TSHZ2: variants seen among roughly 807,000 people sequenced by gnomAD.
TSHZ2 encodes teashirt zinc finger homeobox 2.
Under a neutral mutation model 74.4 loss-of-function variants are expected in TSHZ2, and 21 were observed. The observed-to-expected ratio is 0.28, with a 90% CI of 0.20 to 0.41. The LOEUF (loss-of-function observed/expected upper bound fraction) is 0.41. Among genes scored for constraint, TSHZ2 ranks in the 10% least tolerant of loss-of-function variants. The pLI is 1.00. For missense variants in TSHZ2, 1,244 were observed against 1,293.5 expected, an observed-to-expected ratio of 0.96 and a Z score of 0.59; for synonymous variants, 540 against 515.3, an observed-to-expected ratio of 1.05 and a Z score of -0.65.
In TSHZ2 at chr20:53,227,208, C is replaced by A. The variant is rs73620431; in HGVS notation, c.41-26291C>A. ...TGTATGAGATCCGGAGAAACCCATGCATTCCTAGGAAATACTTCAAAGTTA... is the reference window on the plus strand; with the variant it reads ...TGTATGAGATCCGGAGAAACCCATGAATTCCTAGGAAATACTTCAAAGTTA... On this transcript the variant is annotated intron_variant, in intron 1 of 2. Transcript: ENST00000371497. 5.4e-3 allele frequency among the ~76,000 whole-genome samples: 820 copies of A among 151,992 alleles called. 16 individuals carry two copies. The East Asian group carries it at 0.058, about 11-fold the overall frequency.
chr20:53,115,155 A>G (rs1986636902), intron 1 of TSHZ2, among the ~76,000 whole-genome samples: 1 of 152,176 alleles, frequency 6.6e-6, no homozygotes, highest in African/African-American at 2.4e-5. Flanking sequence ...GTGGGGGTAC[A>G]AAGTTTTTCC....
chr20:53,189,743 T>C (rs1568803121), intron 1 of TSHZ2, among the ~76,000 whole-genome samples: 1 of 152,074 alleles, frequency 6.6e-6, no homozygotes, highest in Non-Finnish European at 1.5e-5. Context: ...AAATGAGTGA[T>C]AGAAAGGAAA....
chr20:53,429,618 T>G (rs1031489145), intron 2 of TSHZ2, among the ~76,000 whole-genome samples: 4 of 152,170 alleles, frequency 2.6e-5, no homozygotes, highest in Non-Finnish European at 4.4e-5. Flanking sequence ...ACCTCTTTCT[T>G]TTGTAAATTG....
intron 2 of TSHZ2, among the ~76,000 whole-genome samples, chr20:53,448,262 A>C (rs1009720834): frequency 2.6e-5 from 4 of 152,182 alleles, no homozygotes; most frequent in African/African-American, 9.7e-5. Flanking sequence ...GGGTTTATAT[A>C]GCAGAGAAGA....
intron 1 of TSHZ2, among the ~76,000 whole-genome samples, chr20:53,030,210 A>C (rs901866107): frequency 2.0e-5 from 3 of 152,148 alleles, no homozygotes; most frequent in African/African-American, 7.2e-5. Context: ...CAGCCTCAAA[A>C]ATCCTATTTG....
chr20:53,307,826 C>T (rs560581987), intron 2 of TSHZ2, among the ~76,000 whole-genome samples: 101 of 151,270 alleles, frequency 6.7e-4, no homozygotes, highest in Non-Finnish European at 1.2e-3. Flanking sequence ...GTGATCTGGG[C>T]GGCTCTAAAC....
chr20:53,072,274 T>G (rs1985200284), intron 1 of TSHZ2, among the ~76,000 whole-genome samples: 1 of 152,218 alleles, frequency 6.6e-6, no homozygotes, highest in African/African-American at 2.4e-5. Flanking sequence ...ATGCATCCCA[T>G]GTTTTTGGCT....
chr20:53,076,621 T>C (rs1985370780), intron 1 of TSHZ2, among the ~76,000 whole-genome samples: 1 of 152,048 alleles, frequency 6.6e-6, no homozygotes, highest in African/African-American at 2.4e-5. Flanking sequence ...AGCTCACAGC[T>C]AAAAAAGAAA....
At chr20:53,137,728 T>A (rs1987283210) in intron 1 of TSHZ2, among the ~76,000 whole-genome samples, 1 of 152,142 alleles carries the variant, frequency 6.6e-6, no homozygotes, top group Non-Finnish European at 1.5e-5. Context: ...CTTTAATCCA[T>A]TCTTCTTATT....
At chr20:53,365,864 A>T (rs187872607) in intron 2 of TSHZ2, among the ~76,000 whole-genome samples, 159 of 152,312 alleles carry the variant, frequency 1.0e-3, no homozygotes, top group Non-Finnish European at 1.8e-3. Flanking sequence ...TGCTAGTCTG[A>T]TGGTCCAGAG....
chr20:53,493,931 C>T lies in TSHZ2; in HGVS notation c.*6796C>T, dbSNP rs1292772959. 1 of 152,180 alleles carries T rather than the reference C, an allele frequency of 6.6e-6. No individual in the cohort carries two copies. Among genetic ancestry groups the T allele is most frequent in the Non-Finnish European group, 1.5e-5 (1 of 68,034 alleles). The allele number at this position is 152,180 out of a possible 1,614,324, so 9.4% of individuals were successfully genotyped here. A position where few individuals can be genotyped will look rare whatever the true frequency, so the allele number is the denominator to read the frequency against. On this transcript the variant is annotated 3_prime_UTR_variant, in exon 3 of 3. Transcript: ENST00000371497. ...AGTCACTATTTGACATTTCCAAAGG[C>T]TTTGCCGCATTGTCACTGCCCAAAG...
intron 2 of TSHZ2, among the ~76,000 whole-genome samples, chr20:53,448,134 C>T (rs926327574): frequency 2.0e-5 from 3 of 152,030 alleles, no homozygotes; most frequent in Admixed American, 6.5e-5. Context: ...AGGATGGTCT[C>T]GATCTGACCT....
chr20:53,098,276 T>C (rs1179819319), intron 1 of TSHZ2, among the ~76,000 whole-genome samples: 1 of 152,236 alleles, frequency 6.6e-6, no homozygotes, highest in African/African-American at 2.4e-5. Flanking sequence ...GCATAATGCT[T>C]AGTTTATTCA....
intron 1 of TSHZ2, among the ~76,000 whole-genome samples, chr20:53,170,676 G>A (rs1311650415): frequency 1.3e-5 from 2 of 152,188 alleles, no homozygotes; most frequent in Non-Finnish European, 1.5e-5. Context: ...AGTTGTGAAC[G>A]CTGAAATGTG....
At chr20:53,357,977 A>G (rs1435733726) in intron 2 of TSHZ2, among the ~76,000 whole-genome samples, 1 of 152,204 alleles carries the variant, frequency 6.6e-6, no homozygotes, top group Non-Finnish European at 1.5e-5. Context: ...TACTAATTCT[A>G]CCCTAAACTA....
At chr20:53,212,871 T>C (rs1364010999) in intron 1 of TSHZ2, among the ~76,000 whole-genome samples, 1 of 152,140 alleles carries the variant, frequency 6.6e-6, no homozygotes, top group African/African-American at 2.4e-5. Flanking sequence ...GACCACTCCT[T>C]GGGGCCAGGG....
At chr20:53,234,893 G>A (rs1989905133) in intron 1 of TSHZ2, among the ~76,000 whole-genome samples, 1 of 152,044 alleles carries the variant, frequency 6.6e-6, no homozygotes, top group Non-Finnish European at 1.5e-5. Flanking sequence ...TTTTGAGCAG[G>A]GAAGTGACAG....
chr20:53,244,834 C>A (rs1990163268), intron 1 of TSHZ2, among the ~76,000 whole-genome samples: 1 of 152,184 alleles, frequency 6.6e-6, no homozygotes. Flanking sequence ...AAGTTCCCGG[C>A]ACACATACCA....
chr20:53,360,521 A>G lies in TSHZ2; in HGVS notation c.*8+103950A>G, dbSNP rs533259205. Among the ~76,000 whole-genome samples the G allele has an allele frequency of 6.6e-5, 10 of 152,340 alleles. No homozygotes were observed. In the South Asian group the frequency reaches 1.9e-3, roughly 28 times the overall value. ...TGAATTCACCAAGTTTGTAGTGACT[A>G]TATATTTTTTTGTTTCTAGAATGCA... On this transcript the variant is annotated intron_variant, in intron 2 of 2. Transcript: ENST00000371497.
Sources: allele counts gnomAD v4.1 joint callset (sites outside exome capture counted in the v4.1 genomes callset), GRCh38; gene constraint gnomAD v4.1.1; transcripts MANE v1.5; gene names NCBI Gene and HGNC (gene_info 2026-07-23, HGNC 2026-07-21).